EXOC4: variants seen among roughly 807,000 people sequenced by gnomAD.
EXOC4 encodes the protein SEC8-like 1.
EXOC4 carries 71 observed loss-of-function variants against 107.2 expected under a neutral mutation model. The ratio of observed to expected loss-of-function variants is 0.66; its 90% CI spans 0.55 to 0.81. The LOEUF is 0.81. Ranked by LOEUF, EXOC4 falls within the 30% of genes least tolerant of loss-of-function variation. The pLI, the probability that EXOC4 is intolerant of heterozygous loss-of-function variation, is 0.00. For synonymous variants in EXOC4, 456 were observed against 441.2 expected (o/e 1.03, Z -0.42); for missense variants, 1,108 against 1,189.6 (o/e 0.93, Z 1.01).
At chr7:133,547,651 A>G (rs1372971965) in intron 9 of EXOC4, among the ~76,000 whole-genome samples, 2 of 152,238 alleles carry the variant, frequency 1.3e-5, no homozygotes, top group Non-Finnish European at 2.9e-5. Context: ...CAGTGTCCAC[A>G]GCATCTTCAA....
intron 10 of EXOC4, among the ~76,000 whole-genome samples, chr7:133,665,295 A>G (rs1186899642): frequency 2.0e-5 from 3 of 152,092 alleles, no homozygotes; most frequent in African/African-American, 7.2e-5. Flanking sequence ...TTGATCAGTT[A>G]ACTTTTCCTA....
At position 133,690,786 on chromosome 7, in the gene EXOC4, A is replaced by G. The variant is rs141223258; in HGVS notation, c.1514+60645A>G. 6.6e-5 allele frequency among the ~76,000 whole-genome samples: 10 copies of G among 152,276 alleles called. No homozygotes were observed. The East Asian group carries it at 1.9e-3, about 29-fold the overall frequency. ...AGTCTCAGGGTCTTGTATCATTCAAACATAGGACAGGGCGGATTGGGCTTC... is the reference window on the plus strand; with the variant it reads ...AGTCTCAGGGTCTTGTATCATTCAAGCATAGGACAGGGCGGATTGGGCTTC... On this transcript the variant is annotated intron_variant, in intron 10 of 17. Transcript: ENST00000253861.
At chr7:133,928,786 G>A (rs776241228) in intron 13 of EXOC4, among the ~76,000 whole-genome samples, 17 of 152,138 alleles carry the variant, frequency 1.1e-4, no homozygotes, top group Non-Finnish European at 2.1e-4. Context: ...GGAGCTCAGA[G>A]GAGGGGGTCC....
intron 7 of EXOC4, among the ~76,000 whole-genome samples, chr7:133,417,165 CTTAA>C (rs1584900429): frequency 1.3e-5 from 2 of 152,236 alleles, no homozygotes; most frequent in East Asian, 3.9e-4. Flanking sequence ...TGGCAATTTC[CTTAA>C]TTGTTTGAAC....
intron 9 of EXOC4, among the ~76,000 whole-genome samples, chr7:133,596,568 G>A (rs1801679851): frequency 2.6e-5 from 4 of 152,106 alleles, no homozygotes; most frequent in African/African-American, 9.7e-5. Flanking sequence ...CCCCAATAAT[G>A]TGGCTCCCCC....
intron 10 of EXOC4, among the ~76,000 whole-genome samples, chr7:133,815,248 G>A (rs1031490672): frequency 6.6e-6 from 1 of 151,806 alleles, no homozygotes; most frequent in Non-Finnish European, 1.5e-5. Context: ...GGGCGTGGTG[G>A]TGCACACCTG....
chr7:133,263,685 C>CG (rs1793638538), intron 1 of EXOC4, among the ~76,000 whole-genome samples: 1 of 151,920 alleles, frequency 6.6e-6, no homozygotes, highest in Non-Finnish European at 1.5e-5. Flanking sequence ...GCCTATTTGA[C>CG]AGATCTTTTA....
intron 7 of EXOC4, among the ~76,000 whole-genome samples, chr7:133,391,388 T>G (rs926988426): frequency 6.6e-6 from 1 of 152,214 alleles, no homozygotes; most frequent in Non-Finnish European, 1.5e-5. Context: ...CCAACGCTAT[T>G]TTTGGCTGTG....
chr7:133,566,221 G>T (rs1212431310), intron 9 of EXOC4, among the ~76,000 whole-genome samples: 1 of 152,146 alleles, frequency 6.6e-6, no homozygotes, highest in Non-Finnish European at 1.5e-5. Flanking sequence ...GAATGAGAGA[G>T]CCCAGGGTGA....
intron 9 of EXOC4, among the ~76,000 whole-genome samples, chr7:133,557,712 C>T (rs748604066): frequency 5.3e-5 from 8 of 152,076 alleles, no homozygotes; most frequent in African/African-American, 9.7e-5. Flanking sequence ...CACAAATGGC[C>T]GGGCGCGGTG....
chr7:133,339,391 T>C (rs1240854284), intron 5 of EXOC4, among the ~76,000 whole-genome samples: 1 of 152,222 alleles, frequency 6.6e-6, no homozygotes, highest in African/African-American at 2.4e-5. Flanking sequence ...ATCAGTACCA[T>C]GCTGTTTTGG....
intron 14 of EXOC4, among the ~76,000 whole-genome samples, chr7:133,958,406 C>T (rs1423355487): frequency 6.6e-6 from 1 of 152,052 alleles, no homozygotes; most frequent in Admixed American, 6.5e-5. Context: ...ATTACTATTT[C>T]CACATATTTC....
intron 10 of EXOC4, among the ~76,000 whole-genome samples, chr7:133,756,735 T>A (rs1345464): frequency 0.99 from 150,193 of 152,288 alleles, 74,112 homozygotes; most frequent in Middle Eastern, 1. Flanking sequence ...GGTGGGAGAC[T>A]TTATGTGGCT....
intron 9 of EXOC4, among the ~76,000 whole-genome samples, chr7:133,527,730 T>C (rs1361910905): frequency 2.1e-4 from 32 of 152,212 alleles, no homozygotes. Flanking sequence ...AAAATGGCTG[T>C]AGTTGAAAGA....
chr7:133,368,552 A>G (rs1004174984), intron 6 of EXOC4, among the ~76,000 whole-genome samples: 10 of 152,060 alleles, frequency 6.6e-5, no homozygotes, highest in African/African-American at 4.8e-5. Flanking sequence ...TTACATTCAT[A>G]TATATTTTTG....
chr7:133,555,619 C>T (rs1335071623), intron 9 of EXOC4, among the ~76,000 whole-genome samples: 1 of 152,178 alleles, frequency 6.6e-6, no homozygotes, highest in Non-Finnish European at 1.5e-5. Flanking sequence ...TAGTGGTACT[C>T]ACCTCATTCT....
At chr7:133,516,014 G>A (rs567562646) in intron 9 of EXOC4, among the ~76,000 whole-genome samples, 59 of 152,198 alleles carry the variant, frequency 3.9e-4, no homozygotes, top group Non-Finnish European at 6.6e-4. Flanking sequence ...GTGTATCTGC[G>A]AATTGAACCA....
intron 9 of EXOC4, among the ~76,000 whole-genome samples, chr7:133,564,193 G>T (rs2150953282): frequency 6.6e-6 from 1 of 152,280 alleles, no homozygotes; most frequent in Admixed American, 6.5e-5. Context: ...GGGAAGCATA[G>T]CAGCTTCTGC....
intron 10 of EXOC4, among the ~76,000 whole-genome samples, chr7:133,796,559 A>G (rs1192977957): frequency 6.6e-6 from 1 of 152,132 alleles, no homozygotes; most frequent in African/African-American, 2.4e-5. Flanking sequence ...AGAGATCGAG[A>G]CCATCCTGGC....
Sources: allele counts gnomAD v4.1 joint callset (sites outside exome capture counted in the v4.1 genomes callset), GRCh38; gene constraint gnomAD v4.1.1; transcripts MANE v1.5; gene names NCBI Gene and HGNC (gene_info 2026-07-23, HGNC 2026-07-21).